Variants in PAK5 observed in about 807,000 individuals in gnomAD.
PAK5 encodes p21 (RAC1) activated kinase 5, also known as serine/threonine-protein kinase PAK 5.
In PAK5, 16 loss-of-function variants were observed where a neutral mutation model predicts 65.9. The observed-to-expected ratio is 0.24, with a 90% CI of 0.16 to 0.37. The LOEUF is 0.37. Among genes scored for constraint, PAK5 ranks in the 10% least tolerant of loss-of-function variants. The pLI is 1.00. For synonymous variants in PAK5, 371 were observed against 354.9 expected, an observed-to-expected ratio of 1.05 and a Z score of -0.51; for missense variants, 785 against 903.9, an observed-to-expected ratio of 0.87 and a Z score of 1.69.
intron 3 of PAK5, among the ~76,000 whole-genome samples, chr20:9,616,083 C>A (rs1459631741): frequency 1.3e-5 from 2 of 152,174 alleles, no homozygotes; most frequent in Non-Finnish European, 2.9e-5. Context: ...GTAGACACCA[C>A]CTCTGATGGG....
intron 3 of PAK5, among the ~76,000 whole-genome samples, chr20:9,627,126 A>G (rs1369034544): frequency 6.6e-6 from 1 of 152,240 alleles, no homozygotes; most frequent in Non-Finnish European, 1.5e-5. Flanking sequence ...ATAGATAAAA[A>G]TATCTGCTAA....
At chr20:9,785,707 C>T (rs945337736) in intron 1 of PAK5, among the ~76,000 whole-genome samples, 2 of 152,106 alleles carry the variant, frequency 1.3e-5, no homozygotes, top group Admixed American at 6.6e-5. Flanking sequence ...TTTGTGAAGA[C>T]CTTCTGCTAG....
rs1329463325 is a variant in PAK5 at position 9,620,365 on chromosome 20, T to C, written c.204+23760A>G. On this transcript the variant is annotated intron_variant, in intron 3 of 9. Transcript: ENST00000353224. ...TTGAATTCAGGTCTCTTCAGAAGGATTGCGGAAAGCAGGAGGAGGATTCTG... is the reference window on the plus strand; with the variant it reads ...TTGAATTCAGGTCTCTTCAGAAGGACTGCGGAAAGCAGGAGGAGGATTCTG... Among the ~76,000 whole-genome samples, 4 of 152,244 alleles carry C rather than the reference T, an allele frequency of 2.6e-5. No individual in the cohort carries two copies. The East Asian group carries it at 7.7e-4, about 29-fold the overall frequency.
chr20:9,710,260 T>C (rs1391145027), intron 2 of PAK5, among the ~76,000 whole-genome samples: 2 of 152,142 alleles, frequency 1.3e-5, no homozygotes. Flanking sequence ...TGCTCAAGTC[T>C]CCGAGTGTTA....
intron 1 of PAK5, among the ~76,000 whole-genome samples, chr20:9,794,390 C>T (rs1430217708): frequency 1.3e-5 from 2 of 151,728 alleles, no homozygotes; most frequent in East Asian, 1.9e-4. Context: ...GATGGAGGAG[C>T]TGGAAAGTGG....
intron 2 of PAK5, among the ~76,000 whole-genome samples, chr20:9,690,682 A>G (rs1032221077): frequency 4.0e-5 from 6 of 149,406 alleles, no homozygotes; most frequent in Middle Eastern, 3.5e-3. Context: ...CTTATCCATC[A>G]CTGGTTTGAG....
intron 1 of PAK5, among the ~76,000 whole-genome samples, chr20:9,787,539 G>A (rs1393658873): frequency 1.3e-5 from 2 of 151,896 alleles, no homozygotes; most frequent in Non-Finnish European, 2.9e-5. Context: ...GGTCTCTTGG[G>A]TAAGTTAAAC....
intron 1 of PAK5, among the ~76,000 whole-genome samples, chr20:9,793,039 G>A (rs1569090211): frequency 1.3e-5 from 2 of 152,216 alleles, no homozygotes; most frequent in East Asian, 1.9e-4. Context: ...AACTGATAGC[G>A]ACTCATCAAT....
At chr20:9,770,270 G>A (rs2048818378) in intron 1 of PAK5, among the ~76,000 whole-genome samples, 1 of 152,144 alleles carries the variant, frequency 6.6e-6, no homozygotes, top group Non-Finnish European at 1.5e-5. Flanking sequence ...GTGCAGATGT[G>A]CGGTTGACAG....
chr20:9,748,122 C>T (rs376205140), intron 1 of PAK5, among the ~76,000 whole-genome samples: 10,810 of 152,008 alleles, frequency 0.071, 405 homozygotes, highest in South Asian at 0.1. Flanking sequence ...AGGAATCCAA[C>T]TTACAAGGGA....
chr20:9,835,766 G>T (rs1979099535), intron 1 of PAK5, among the ~76,000 whole-genome samples: 1 of 152,156 alleles, frequency 6.6e-6, no homozygotes, highest in South Asian at 2.1e-4. Flanking sequence ...AATGTGGAGG[G>T]TCAAGGGAAA....
At chr20:9,674,862 G>C (rs1384279150) in intron 2 of PAK5, among the ~76,000 whole-genome samples, 1 of 152,172 alleles carries the variant, frequency 6.6e-6, no homozygotes, top group Non-Finnish European at 1.5e-5. Flanking sequence ...TGTAACCCAT[G>C]TCAGTCATCA....
intron 2 of PAK5, among the ~76,000 whole-genome samples, chr20:9,707,156 G>A (rs1224533858): frequency 2.0e-5 from 3 of 151,772 alleles, no homozygotes; most frequent in Admixed American, 2.0e-4. Context: ...TTTTGAGATA[G>A]GGTCTTGCTC....
intron 1 of PAK5, among the ~76,000 whole-genome samples, chr20:9,834,269 T>C (rs1942329552): frequency 6.6e-6 from 1 of 152,236 alleles, no homozygotes. Flanking sequence ...TGTGTTCCTC[T>C]GTTGAACTAC....
chr20:9,575,697 C>T (rs1396622372), intron 4 of PAK5: 1 of 152,190 alleles, frequency 6.6e-6, no homozygotes, highest in African/African-American at 2.4e-5. Context: ...ATTCCATGGG[C>T]ACAGCAAATC....
chr20:9,680,911 T>C (rs2047641256), intron 2 of PAK5, among the ~76,000 whole-genome samples: 2 of 152,218 alleles, frequency 1.3e-5, no homozygotes, highest in Admixed American at 1.3e-4. Flanking sequence ...AATTGTTAGG[T>C]GCGGCGTTTT....
At chr20:9,730,326 T>A (rs1025912565) in intron 1 of PAK5, among the ~76,000 whole-genome samples, 8 of 152,190 alleles carry the variant, frequency 5.3e-5, no homozygotes, top group Non-Finnish European at 1.0e-4. Context: ...TTAAACTAAA[T>A]GCCAGCTTTC....
chr20:9,813,188 A>G (rs1397273195), intron 1 of PAK5, among the ~76,000 whole-genome samples: 2 of 152,184 alleles, frequency 1.3e-5, no homozygotes, highest in African/African-American at 4.8e-5. Context: ...AAACTAATGA[A>G]CATCACAGAA....
chr20:9,751,362 C>T (rs1303132180), intron 1 of PAK5, among the ~76,000 whole-genome samples: 1 of 152,092 alleles, frequency 6.6e-6, no homozygotes, highest in Non-Finnish European at 1.5e-5. Context: ...CACAAAGATT[C>T]CTACAATACA....
Sources: allele counts gnomAD v4.1 joint callset (sites outside exome capture counted in the v4.1 genomes callset), GRCh38; gene constraint gnomAD v4.1.1; transcripts MANE v1.5; gene names NCBI Gene and HGNC (gene_info 2026-07-23, HGNC 2026-07-21).